MACROD2: variants seen among roughly 807,000 people sequenced by gnomAD.
The protein encoded by MACROD2 is ADP-ribose glycohydrolase MACROD2.
In MACROD2, 36 loss-of-function variants were observed where a neutral mutation model predicts 70.4. The ratio of observed to expected loss-of-function variants is 0.51; its 90% CI spans 0.39 to 0.68. The LOEUF is 0.68. Among genes scored for constraint, MACROD2 ranks in the 30% least tolerant of loss-of-function variants. The pLI is 0.00. For synonymous variants in MACROD2, 172 were observed against 178.8 expected (o/e 0.96, Z 0.30); for missense variants, 496 against 538.4 (o/e 0.92, Z 0.78).
intron 5 of MACROD2, among the ~76,000 whole-genome samples, chr20:14,963,160 T>G (rs796570359): frequency 2.0e-5 from 3 of 152,074 alleles, no homozygotes; most frequent in South Asian, 4.1e-4. Flanking sequence ...TTCTGGTAGG[T>G]GAGGCTGGGA....
At chr20:14,047,449 C>T (rs767262864) in intron 2 of MACROD2, among the ~76,000 whole-genome samples, 101 of 104,206 alleles carry the variant, frequency 9.7e-4, no homozygotes, top group Non-Finnish European at 1.5e-3. Context: ...AGCGAGACTC[C>T]GTCTCAAAAA....
chr20:15,181,232 A>G (rs531888793), intron 5 of MACROD2, among the ~76,000 whole-genome samples: 1 of 152,210 alleles, frequency 6.6e-6, no homozygotes, highest in Non-Finnish European at 1.5e-5. Context: ...GATACAGTGC[A>G]TTGATTATAT....
intron 8 of MACROD2, among the ~76,000 whole-genome samples, chr20:15,627,977 G>A (rs546288940): frequency 1.3e-5 from 2 of 152,298 alleles, no homozygotes; most frequent in East Asian, 3.9e-4. Context: ...GTCAGTTTTA[G>A]TACCTCTGTG....
At chr20:14,753,693 A>C (rs1243080815) in intron 5 of MACROD2, among the ~76,000 whole-genome samples, 1 of 152,132 alleles carries the variant, frequency 6.6e-6, no homozygotes, top group East Asian at 1.9e-4. Flanking sequence ...TATTGGTGGC[A>C]CTTTTCTGTA....
At chr20:14,492,902 G>GTTTCT (rs2084810550) in intron 3 of MACROD2, among the ~76,000 whole-genome samples, 1 of 152,070 alleles carries the variant, frequency 6.6e-6, no homozygotes, top group Non-Finnish European at 1.5e-5. Context: ...CTATAAATGT[G>GTTTCT]TGTGCGGGGT....
intron 4 of MACROD2, among the ~76,000 whole-genome samples, chr20:14,583,801 T>A (rs552243617): frequency 6.6e-6 from 1 of 152,176 alleles, no homozygotes; most frequent in Non-Finnish European, 1.5e-5. Flanking sequence ...AATAGAAACC[T>A]AATTCTAACA....
chr20:14,080,716 A>G (rs2053982120), intron 2 of MACROD2, among the ~76,000 whole-genome samples: 1 of 151,782 alleles, frequency 6.6e-6, no homozygotes, highest in Non-Finnish European at 1.5e-5. Context: ...TTGTCAACCT[A>G]TAAACTGGAC....
At chr20:15,624,419 A>C (rs2049172758) in intron 8 of MACROD2, among the ~76,000 whole-genome samples, 1 of 152,244 alleles carries the variant, frequency 6.6e-6, no homozygotes, top group Non-Finnish European at 1.5e-5. Flanking sequence ...GTTGACACTT[A>C]ATATTAACCA....
At chr20:15,932,221 G>A (rs2065590836) in intron 10 of MACROD2, among the ~76,000 whole-genome samples, 1 of 152,154 alleles carries the variant, frequency 6.6e-6, no homozygotes, top group Non-Finnish European at 1.5e-5. Context: ...CTCTCTCCAT[G>A]TGTCTCCCTC....
chr20:14,968,907 C>T (rs2074663673), intron 5 of MACROD2, among the ~76,000 whole-genome samples: 1 of 152,094 alleles, frequency 6.6e-6, no homozygotes, highest in Non-Finnish European at 1.5e-5. Flanking sequence ...CAATACTAAG[C>T]TATTTATTTT....
chr20:15,021,071 T>C (rs760314430), intron 5 of MACROD2, among the ~76,000 whole-genome samples: 7 of 138,928 alleles, frequency 5.0e-5, no homozygotes, highest in South Asian at 2.2e-4. Flanking sequence ...TGTATACACA[T>C]GTGTGTATGT....
At chr20:15,622,964 T>C (rs2049149919) in intron 8 of MACROD2, among the ~76,000 whole-genome samples, 2 of 152,226 alleles carry the variant, frequency 1.3e-5, no homozygotes, top group Admixed American at 1.3e-4. Flanking sequence ...ACTGGGGATC[T>C]TGGAACATAT....
chr20:15,003,305 A>C (rs1407205458), intron 5 of MACROD2, among the ~76,000 whole-genome samples: 1 of 152,202 alleles, frequency 6.6e-6, no homozygotes, highest in Non-Finnish European at 1.5e-5. Flanking sequence ...TGCTGCATGC[A>C]TTCCTCTTTT....
chr20:15,660,402 AT>A (rs10665751), intron 8 of MACROD2, among the ~76,000 whole-genome samples: 1 of 150,864 alleles, frequency 6.6e-6, no homozygotes. Flanking sequence ...CATGCACATC[AT>A]TTTTTTTTCA....
chr20:15,906,081 G>A (rs1181805058), intron 10 of MACROD2, among the ~76,000 whole-genome samples: 2 of 152,202 alleles, frequency 1.3e-5, no homozygotes, highest in Non-Finnish European at 1.5e-5. Context: ...GTAGATATGG[G>A]GTTTGAGAGG....
intron 8 of MACROD2, among the ~76,000 whole-genome samples, chr20:15,766,939 T>C (rs562406596): frequency 1.3e-5 from 2 of 152,302 alleles, no homozygotes; most frequent in Admixed American, 6.5e-5. Context: ...CGAGCCCCCT[T>C]GCACAACACT....
At chr20:14,284,437 T>C (rs752402106) in intron 3 of MACROD2, among the ~76,000 whole-genome samples, 7 of 152,334 alleles carry the variant, frequency 4.6e-5, no homozygotes, top group Non-Finnish European at 1.0e-4. Flanking sequence ...CTTAGTGTGG[T>C]ATAATGGTGT....
intron 5 of MACROD2, among the ~76,000 whole-genome samples, chr20:14,891,856 G>A (rs942448085): frequency 2.8e-4 from 42 of 152,266 alleles, no homozygotes; most frequent in African/African-American, 9.6e-4. Flanking sequence ...GTCCTGTGCT[G>A]GTTGGAGAAA....
chr20:14,405,285 A>G (rs917774291), intron 3 of MACROD2, among the ~76,000 whole-genome samples: 1 of 11,400 alleles, frequency 8.8e-5, no homozygotes, highest in Non-Finnish European at 2.3e-4. Flanking sequence ...TAGTAGGAAG[A>G]CTTAACCAAA....
Sources: gnomAD v4.1 joint callset for allele counts (sites outside exome capture counted in the v4.1 genomes callset) on GRCh38, gnomAD v4.1.1 for gene constraint, MANE v1.5 for transcripts, NCBI Gene and HGNC (gene_info 2026-07-23, HGNC 2026-07-21) for gene names.